The following KIF4A variants were observed in gnomAD, a reference collection of about 807,000 sequenced individuals.
KIF4A encodes chromosome-associated kinesin KIF4A.
KIF4A carries 7 observed loss-of-function variants against 105.9 expected under a neutral mutation model. The ratio of observed to expected loss-of-function variants is 0.07; its 90% CI spans 0.04 to 0.12. KIF4A has a LOEUF of 0.12. Ranked by LOEUF, KIF4A falls within the 10% of genes least tolerant of loss-of-function variation. The probability of loss-of-function intolerance (pLI) is 1.00; values close to 1 mark genes in which losing one functional copy is unlikely to be tolerated. For synonymous variants in KIF4A, 281 were observed against 331.3 expected, an observed-to-expected ratio of 0.85 and a Z score of 1.65; for missense variants, 558 against 929.2, an observed-to-expected ratio of 0.60 and a Z score of 5.19.
chrX:70,319,604 T>C, intron 7 of KIF4A, among the ~76,000 whole-genome samples: 1 of 112,230 alleles, frequency 8.9e-6, no homozygotes, highest in East Asian at 2.8e-4. Flanking sequence ...GTAGAAGTCT[T>C]ATACATCTTT....
chrX:70,405,273 C>G (rs2086295982), intron 25 of KIF4A, among the ~76,000 whole-genome samples: 1 of 111,550 alleles, frequency 9.0e-6, no homozygotes, highest in Non-Finnish European at 1.9e-5. Context: ...TGTTGTAGCA[C>G]TATTTTAGTC....
At chrX:70,357,588 T>C (rs1379913278) in intron 15 of KIF4A, among the ~76,000 whole-genome samples, 2 of 112,135 alleles carry the variant, frequency 1.8e-5, no homozygotes, top group Non-Finnish European at 3.8e-5. Context: ...AATAGCTTTC[T>C]GAGAATGTAT....
chrX:70,406,468 CT>C, intron 27 of KIF4A, 114 bp downstream of exon 27: 1 of 563,574 alleles, frequency 1.8e-6, no homozygotes. Flanking sequence ...TAGCATCTCA[CT>C]TTTCTTTGGA....
intron 6 of KIF4A, 78 bp downstream of exon 6, chrX:70,302,144 AT>A: frequency 8.9e-7 from 1 of 1,120,178 alleles, no homozygotes; most frequent in Non-Finnish European, 1.2e-6. Flanking sequence ...TCTTCAATTG[AT>A]TTGACAAATC....
chrX:70,319,031 G>A (rs750448515), intron 7 of KIF4A, among the ~76,000 whole-genome samples: 22 of 111,817 alleles, frequency 2.0e-4, no homozygotes, highest in South Asian at 1.9e-3. Context: ...TTGGGAGGGC[G>A]AAGCAGGCGG....
At chrX:70,321,573 A>G (rs1295132902) in intron 7 of KIF4A, among the ~76,000 whole-genome samples, 1 of 109,995 alleles carries the variant, frequency 9.1e-6, no homozygotes. Context: ...TTTCTGCTGG[A>G]TTTTCTCCCC....
chrX:70,304,672 T>TTG (rs1158333711), intron 7 of KIF4A, among the ~76,000 whole-genome samples: 1 of 88,956 alleles, frequency 1.1e-5, no homozygotes, highest in Non-Finnish European at 2.1e-5. Context: ...TTTTTTTTTT[T>TTG]GAGAGAGAGA....
At chrX:70,314,606 T>A (rs936165296) in intron 7 of KIF4A, among the ~76,000 whole-genome samples, 9 of 111,714 alleles carry the variant, frequency 8.1e-5, no homozygotes, top group Non-Finnish European at 1.7e-4. Context: ...AGAAGCAACA[T>A]CTGGGCTAGA....
chrX:70,315,674 T>C (rs1262048155), intron 7 of KIF4A, among the ~76,000 whole-genome samples: 1 of 111,782 alleles, frequency 8.9e-6, no homozygotes, highest in East Asian at 2.8e-4. Flanking sequence ...GCCCATGAGC[T>C]AGCAGGCGTA....
At chrX:70,387,117 T>A in intron 19 of KIF4A, 67 bp from the exon 20 acceptor site, 1 of 745,074 alleles carries the variant, frequency 1.3e-6, no homozygotes, top group Admixed American at 3.1e-5. Flanking sequence ...TCTTTACTAA[T>A]GTGCTAGAAA....
At chrX:70,388,369 C>T (rs2086225632) in intron 20 of KIF4A, among the ~76,000 whole-genome samples, 1 of 111,303 alleles carries the variant, frequency 9.0e-6, no homozygotes, top group Admixed American at 9.6e-5. Flanking sequence ...TGTGCACAAG[C>T]CTGTGTGGAT....
chrX:70,418,048 C>G, intron 29 of KIF4A, 44 bp downstream of exon 29: 1 of 1,056,699 alleles, frequency 9.5e-7, no homozygotes, highest in Admixed American at 2.4e-5. Flanking sequence ...TCAGACCTTC[C>G]TCTAGTTTCC....
chrX:70,409,571 C>T (rs1312010315), intron 28 of KIF4A, among the ~76,000 whole-genome samples: 3 of 110,654 alleles, frequency 2.7e-5, no homozygotes, highest in East Asian at 5.7e-4. Context: ...CCAAGGCAGG[C>T]GGATCACCTG....
intron 28 of KIF4A, 28 bp from the exon 29 acceptor site, chrX:70,417,860 T>C: frequency 8.9e-7 from 1 of 1,118,649 alleles, no homozygotes; most frequent in Non-Finnish European, 1.2e-6. Flanking sequence ...CTTTCAGTAA[T>C]GTGTCTTTCT....
chrX:70,330,301 A>G lies in KIF4A; in HGVS notation c.1040A>G (p.Gln347Arg). The G allele has an allele frequency of 8.3e-7, 1 of 1,211,163 alleles. No individual in the cohort carries two copies. The highest frequency in any genetic ancestry group is 1.1e-6 in the Non-Finnish European group (1 of 894,982). The part of the protein sequence containing the change: ...KNKPIVNIDP[Q>R]TAELNHLKQQ... ...AAACCTATTGTTAATATTGATCCCC[A>G]GACAGCTGAACTTAATCATCTAAAG... is the stretch of plus-strand genomic sequence containing the variant. Residue 347 changes from glutamine to arginine, a missense_variant, in exon 9 of 31, where the codon CAG becomes CGG. Gln to Arg is a conservative substitution (Grantham distance 43). Coordinates refer to ENST00000374403, the MANE Select transcript of KIF4A (RefSeq NM_012310.5).
intron 28 of KIF4A, among the ~76,000 whole-genome samples, chrX:70,409,938 T>C (rs1436170611): frequency 8.9e-6 from 1 of 111,835 alleles, no homozygotes; most frequent in Non-Finnish European, 1.9e-5. Flanking sequence ...GCTCTAAGCT[T>C]AAAAGGGCAA....
At chrX:70,317,996 G>T (rs2085876557) in intron 7 of KIF4A, among the ~76,000 whole-genome samples, 1 of 109,298 alleles carries the variant, frequency 9.1e-6, no homozygotes. Context: ...TCCTGCCTCA[G>T]CCTCCCAAGT....
In KIF4A at chrX:70,420,395, C is replaced by A; in HGVS notation, c.*130C>A. 1.1e-6 allele frequency: 1 copy of A among 942,610 alleles called. No homozygotes were observed. The highest frequency in any genetic ancestry group is 1.4e-6 in the Non-Finnish European group (1 of 701,978). The allele number at this position is 942,610 out of a possible 1,213,427, so 77.7% of individuals were successfully genotyped here. A position where few individuals can be genotyped will look rare whatever the true frequency, so the allele number is the denominator to read the frequency against. On this transcript the variant is annotated 3_prime_UTR_variant, in exon 31 of 31. Transcript: ENST00000374403. ...TGTTGAAAAAAGGAACAAAGCGTTA[C>A]TGAAAAGAAGGTAACCTTTGTTGGA...
At chrX:70,393,180 T>C (rs1274203971) in intron 20 of KIF4A, among the ~76,000 whole-genome samples, 1 of 111,418 alleles carries the variant, frequency 9.0e-6, no homozygotes, top group Non-Finnish European at 1.9e-5. Context: ...ATTGATTTTT[T>C]TCTTTGACCC....
Sources: allele counts gnomAD v4.1 joint callset (sites outside exome capture counted in the v4.1 genomes callset), GRCh38; gene constraint gnomAD v4.1.1; transcripts MANE v1.5; gene names NCBI Gene and HGNC (gene_info 2026-07-23, HGNC 2026-07-21).